Variants in LRRC4C observed in about 807,000 individuals in gnomAD.
The protein encoded by LRRC4C is leucine-rich repeat-containing protein 4C.
In LRRC4C, 5 loss-of-function variants were observed where a neutral mutation model predicts 33.6. The observed-to-expected ratio is 0.15, with a 90% CI of 0.08 to 0.31. The LOEUF is 0.31. LRRC4C is among the 10% of genes least tolerant of loss of function. The probability of loss-of-function intolerance (pLI) is 1.00; values close to 1 mark genes in which losing one functional copy is unlikely to be tolerated. For missense variants in LRRC4C, 560 were observed against 796.7 expected (o/e 0.70, Z 3.58); for synonymous variants, 329 against 302.0 (o/e 1.09, Z -0.93).
At chr11:40,659,061 T>G (rs1943279519) in intron 2 of LRRC4C, among the ~76,000 whole-genome samples, 1 of 152,176 alleles carries the variant, frequency 6.6e-6, no homozygotes, top group African/African-American at 2.4e-5. Flanking sequence ...CAGGCATTGC[T>G]GCACTCTTGG....
At chr11:40,119,431 A>T (rs2134637296) in intron 6 of LRRC4C, among the ~76,000 whole-genome samples, 1 of 151,722 alleles carries the variant, frequency 6.6e-6, no homozygotes, top group East Asian at 1.9e-4. Context: ...CTCTAGATTG[A>T]CTTTTCACAC....
At chr11:41,082,751 C>T (rs1047697251) in intron 1 of LRRC4C, among the ~76,000 whole-genome samples, 1 of 152,028 alleles carries the variant, frequency 6.6e-6, no homozygotes, top group African/African-American at 2.4e-5. Flanking sequence ...TTCTCTTTTC[C>T]TTGGTTTTCA....
At chr11:41,137,271 C>T (rs1943307163) in intron 1 of LRRC4C, among the ~76,000 whole-genome samples, 1 of 151,924 alleles carries the variant, frequency 6.6e-6, no homozygotes, top group African/African-American at 2.4e-5. Flanking sequence ...AAAAAGTGCC[C>T]TTTAGAGGAA....
chr11:41,382,932 A>G (rs1953211817), intron 1 of LRRC4C, among the ~76,000 whole-genome samples: 2 of 152,150 alleles, frequency 1.3e-5, no homozygotes, highest in South Asian at 4.1e-4. Flanking sequence ...AGATTTGGTG[A>G]AAAAGCTAAA....
At chr11:41,438,016 C>T (rs1000272408) in intron 1 of LRRC4C, among the ~76,000 whole-genome samples, 20 of 140,266 alleles carry the variant, frequency 1.4e-4, no homozygotes, top group South Asian at 6.8e-4. Flanking sequence ...CCAGCCTGGG[C>T]GACAAGAACA....
At chr11:41,051,538 A>AAAAAAAAAAAAAAAAAAAAAAAAG in intron 1 of LRRC4C, among the ~76,000 whole-genome samples, 1 of 140,846 alleles carries the variant, frequency 7.1e-6, no homozygotes, top group Non-Finnish European at 1.6e-5. Context: ...AAAAAAAAAA[A>AAAAAAAAAAAAAAAAAAAAAAAAG]AAAAAAAAAA....
At chr11:41,292,689 GATT>G (rs1950025471) in intron 1 of LRRC4C, among the ~76,000 whole-genome samples, 4 of 151,984 alleles carry the variant, frequency 2.6e-5, no homozygotes, top group Non-Finnish European at 5.9e-5. Flanking sequence ...CAATCTTAAG[GATT>G]CAGTAACATA....
At chr11:40,224,250 T>A (rs557364725) in intron 5 of LRRC4C, among the ~76,000 whole-genome samples, 2 of 152,370 alleles carry the variant, frequency 1.3e-5, no homozygotes, top group South Asian at 4.1e-4. Context: ...TATATAATGT[T>A]GATCTGGTTT....
chr11:40,692,888 C>T (rs1305112810), intron 2 of LRRC4C, among the ~76,000 whole-genome samples: 2 of 152,014 alleles, frequency 1.3e-5, no homozygotes, highest in Non-Finnish European at 2.9e-5. Context: ...GAACCCTACA[C>T]ATAAAAAGAT....
intron 2 of LRRC4C, among the ~76,000 whole-genome samples, chr11:40,700,763 A>C (rs1469486646): frequency 6.6e-6 from 1 of 152,190 alleles, no homozygotes; most frequent in South Asian, 2.1e-4. Context: ...TATTGGATCC[A>C]TTTTAACAAA....
At chr11:41,451,813 T>C (rs1956034378) in intron 1 of LRRC4C, among the ~76,000 whole-genome samples, 1 of 152,132 alleles carries the variant, frequency 6.6e-6, no homozygotes, top group African/African-American at 2.4e-5. Flanking sequence ...GGTACCTTGG[T>C]AGAGAAAATG....
At chr11:40,786,751 C>G (rs1295003597) in intron 2 of LRRC4C, among the ~76,000 whole-genome samples, 3 of 152,048 alleles carry the variant, frequency 2.0e-5, no homozygotes, top group Non-Finnish European at 2.9e-5. Context: ...CTTCATTAGT[C>G]AAATCTCACC....
rs562882631 is a variant in LRRC4C at position 40,738,644 on chromosome 11, T to C, written c.-406-90366A>G. ...TTATTTGGAGACACAAAACTTTAGC[T>C]CTCCCCAAAGTCTTTTAAAATGAAG... is the stretch of plus-strand genomic sequence containing the variant. On this transcript the variant is annotated intron_variant, in intron 2 of 6. Coordinates refer to ENST00000528697, the MANE Select transcript of LRRC4C (RefSeq NM_001258419.2). Among the ~76,000 whole-genome samples the C allele has an allele frequency of 1.0e-3, 157 of 152,196 alleles. 1 individual carries two copies. Among genetic ancestry groups the C allele is most frequent in the African/African-American group, 3.5e-3 (146 of 41,544 alleles).
chr11:40,226,307 T>A (rs1451951453), intron 5 of LRRC4C, among the ~76,000 whole-genome samples: 1 of 152,200 alleles, frequency 6.6e-6, no homozygotes, highest in Non-Finnish European at 1.5e-5. Flanking sequence ...GGGTCTTTCC[T>A]CTGGTTTGCT....
chr11:40,487,320 C>T (rs1452869543), intron 3 of LRRC4C, among the ~76,000 whole-genome samples: 1 of 152,072 alleles, frequency 6.6e-6, no homozygotes, highest in African/African-American at 2.4e-5. Context: ...CCTCTTCAGA[C>T]TCTTGTGGTT....
intron 4 of LRRC4C, among the ~76,000 whole-genome samples, chr11:40,248,964 T>A (rs1166564339): frequency 6.6e-6 from 1 of 152,168 alleles, no homozygotes; most frequent in East Asian, 1.9e-4. Context: ...GACTGCTTTT[T>A]TTCATCCTAA....
At chr11:41,346,535 A>G (rs184923082) in intron 1 of LRRC4C, among the ~76,000 whole-genome samples, 1 of 152,344 alleles carries the variant, frequency 6.6e-6, no homozygotes, top group East Asian at 1.9e-4. Context: ...ATATCCTAAA[A>G]TGGGTTTTCC....
At chr11:40,431,369 T>A (rs1189733572) in intron 3 of LRRC4C, among the ~76,000 whole-genome samples, 2 of 134,836 alleles carry the variant, frequency 1.5e-5, no homozygotes, top group African/African-American at 2.9e-5. Flanking sequence ...CACCCCAGCC[T>A]GAGTGACAGG....
intron 1 of LRRC4C, among the ~76,000 whole-genome samples, chr11:41,096,872 C>T (rs1940841111): frequency 6.6e-6 from 1 of 152,144 alleles, no homozygotes; most frequent in Admixed American, 6.6e-5. Flanking sequence ...TGTACTCCCA[C>T]TAGTGTGAGT....
Sources: gnomAD v4.1 joint callset for allele counts (sites outside exome capture counted in the v4.1 genomes callset) on GRCh38, gnomAD v4.1.1 for gene constraint, MANE v1.5 for transcripts, NCBI Gene and HGNC (gene_info 2026-07-23, HGNC 2026-07-21) for gene names.